Variants in RNF216 observed in about 807,000 individuals in gnomAD.
RNF216 encodes ring finger protein 216.
A neutral mutation model predicts 110.8 loss-of-function variants in RNF216; 72 were observed. The ratio of observed to expected loss-of-function variants is 0.65; its 90% CI spans 0.54 to 0.79. The LOEUF (loss-of-function observed/expected upper bound fraction) is 0.79, where lower values mean the gene tolerates loss of function less well. RNF216 is among the 30% of genes least tolerant of loss of function. The pLI, the probability that RNF216 is intolerant of heterozygous loss-of-function variation, is 0.00. For synonymous variants in RNF216, 495 were observed against 407.5 expected, an observed-to-expected ratio of 1.21 and a Z score of -2.59; for missense variants, 1,342 against 1,141.2, an observed-to-expected ratio of 1.18 and a Z score of -2.54.
intron 13 of RNF216, among the ~76,000 whole-genome samples, chr7:5,678,252 G>A (rs1790432230): frequency 1.3e-5 from 2 of 152,174 alleles, no homozygotes; most frequent in Non-Finnish European, 2.9e-5. Context: ...AAGAAAACCA[G>A]TCTGAAAAAT....
At chr7:5,722,807 A>C (rs1043845996) in intron 8 of RNF216, among the ~76,000 whole-genome samples, 40 of 151,890 alleles carry the variant, frequency 2.6e-4, no homozygotes, top group African/African-American at 9.4e-4. Context: ...ACATCATCTA[A>C]GGTTAGGAGT....
chr7:5,632,151 C>A (rs1003659579), intron 15 of RNF216, among the ~76,000 whole-genome samples: 2 of 152,220 alleles, frequency 1.3e-5, no homozygotes, highest in Admixed American at 1.3e-4. Flanking sequence ...TTCACCTGAA[C>A]CTATTTGAGA....
At chr7:5,699,807 A>C (rs192650664) in intron 13 of RNF216, among the ~76,000 whole-genome samples, 9 of 152,320 alleles carry the variant, frequency 5.9e-5, no homozygotes, top group Admixed American at 1.3e-4. Flanking sequence ...ACATTTTCTA[A>C]CTGTGGTCTG....
intron 14 of RNF216, among the ~76,000 whole-genome samples, chr7:5,650,168 G>A (rs1454000613): frequency 6.6e-6 from 1 of 152,212 alleles, no homozygotes; most frequent in East Asian, 1.9e-4. Flanking sequence ...CTAGGCTCAT[G>A]ACAGAAGCAT....
intron 13 of RNF216, among the ~76,000 whole-genome samples, chr7:5,663,682 C>T (rs1789308390): frequency 2.0e-5 from 3 of 150,296 alleles, no homozygotes; most frequent in Non-Finnish European, 1.5e-5. Context: ...GGGCAGGTCA[C>T]GAGGTCAGGA....
intron 2 of RNF216, chr7:5,760,279 G>A (rs1795862928): frequency 6.2e-6 from 1 of 162,356 alleles, no homozygotes; most frequent in Admixed American, 6.2e-5. Context: ...CACTTTGGCA[G>A]GCTGAGGCGG....
chr7:5,656,468 C>G (rs1788751665), intron 13 of RNF216, among the ~76,000 whole-genome samples: 1 of 152,204 alleles, frequency 6.6e-6, no homozygotes, highest in South Asian at 2.1e-4. Flanking sequence ...CGGGACCACA[C>G]TTTCTATCCC....
chr7:5,771,088 G>A (rs1343858471), intron 1 of RNF216, among the ~76,000 whole-genome samples: 3 of 152,138 alleles, frequency 2.0e-5, no homozygotes, highest in Non-Finnish European at 2.9e-5. Flanking sequence ...TTACAGGCGT[G>A]AGCCACCACA....
intron 9 of RNF216, among the ~76,000 whole-genome samples, chr7:5,718,691 C>A (rs898001496): frequency 1.3e-5 from 2 of 152,022 alleles, no homozygotes; most frequent in Non-Finnish European, 2.9e-5. Context: ...GCTGGGATTA[C>A]AGGTGTGTGC....
At chr7:5,656,437 C>A (rs570098977) in intron 13 of RNF216, among the ~76,000 whole-genome samples, 32 of 152,280 alleles carry the variant, frequency 2.1e-4, no homozygotes, top group South Asian at 1.5e-3. Flanking sequence ...ACATGAAGAA[C>A]AGGGTATCGT....
In RNF216 at chr7:5,624,535, A is replaced by G. The variant is rs990290576; in HGVS notation, c.2383-410T>C. Among the ~76,000 whole-genome samples, 8 of 152,244 alleles carry G rather than the reference A, an allele frequency of 5.3e-5. No individual in the cohort carries two copies. The highest frequency in any genetic ancestry group is 1.9e-4 in the African/African-American group (8 of 41,476). Reference sequence around the variant, plus strand: ...GCGCTCGGCATGGCAGCCTGTCTGCAGAGCCTGGAAAAGTCTTGCAGATGT... The same window carrying G: ...GCGCTCGGCATGGCAGCCTGTCTGCGGAGCCTGGAAAAGTCTTGCAGATGT... On this transcript the variant is annotated intron_variant, in intron 15 of 16. Coordinates refer to ENST00000389902, the MANE Select transcript of RNF216 (RefSeq NM_207111.4). This position sits in a 1 kb window ranked among gnomAD's most constrained non-coding sequence, Gnocchi z 4.4.
intron 13 of RNF216, among the ~76,000 whole-genome samples, chr7:5,663,316 T>G (rs982803781): frequency 1.3e-5 from 2 of 152,104 alleles, no homozygotes; most frequent in Non-Finnish European, 2.9e-5. Flanking sequence ...CATGGTGGCT[T>G]ACGCCTGTAA....
At chr7:5,682,405 T>C (rs1178075766) in intron 13 of RNF216, among the ~76,000 whole-genome samples, 1 of 151,360 alleles carries the variant, frequency 6.6e-6, no homozygotes, top group Non-Finnish European at 1.5e-5. Flanking sequence ...TTACTTTCAT[T>C]TTTTTTCTTT....
chr7:5,702,502 G>C (rs995224488), intron 13 of RNF216, among the ~76,000 whole-genome samples: 1 of 152,138 alleles, frequency 6.6e-6, no homozygotes, highest in Non-Finnish European at 1.5e-5. Context: ...AGCAAGCATG[G>C]TATTTGACTC....
chr7:5,627,732 G>A (rs1786800200), intron 15 of RNF216, among the ~76,000 whole-genome samples: 1 of 151,278 alleles, frequency 6.6e-6, no homozygotes, highest in African/African-American at 2.4e-5. Flanking sequence ...GGCGACAGAG[G>A]GAGACTCTGT....
chr7:5,675,899 G>T (rs1418831591), intron 13 of RNF216, among the ~76,000 whole-genome samples: 1 of 151,964 alleles, frequency 6.6e-6, no homozygotes, highest in Non-Finnish European at 1.5e-5. Context: ...AGTAGAGACG[G>T]GGTTTCTCTA....
chr7:5,768,175 G>T (rs934752198), intron 1 of RNF216, among the ~76,000 whole-genome samples: 21 of 151,438 alleles, frequency 1.4e-4, no homozygotes, highest in African/African-American at 5.1e-4. Context: ...AAATTACCAG[G>T]TGCGGTAGCT....
At chr7:5,662,435 C>T (rs541035194) in intron 13 of RNF216, 3 of 152,240 alleles carry the variant, frequency 2.0e-5, no homozygotes, top group Non-Finnish European at 4.4e-5. Flanking sequence ...TTGCCACTTA[C>T]CTCCTCAAAG....
chr7:5,720,969 C>G, intron 9 of RNF216, 64 bp downstream of exon 9: 2 of 1,542,310 alleles, frequency 1.3e-6, no homozygotes, highest in South Asian at 2.3e-5. Context: ...TTTGTACTAA[C>G]TAAACCCTAA....
Sources: allele counts gnomAD v4.1 joint callset (sites outside exome capture counted in the v4.1 genomes callset), GRCh38; gene constraint gnomAD v4.1.1; non-coding constraint Gnocchi (gnomAD v3.1); transcripts MANE v1.5; gene names NCBI Gene and HGNC (gene_info 2026-07-23, HGNC 2026-07-21).